Variants in BTRC observed in about 807,000 individuals in gnomAD.
BTRC encodes beta-transducin repeat containing E3 ubiquitin protein ligase, also known as F-box/WD repeat-containing protein 1A.
BTRC carries 42 observed loss-of-function variants against 85.5 expected under a neutral mutation model. That is an observed-to-expected ratio of 0.49 (90% confidence interval 0.38 to 0.64). The LOEUF (loss-of-function observed/expected upper bound fraction) is 0.64, where lower values mean the gene tolerates loss of function less well. Ranked by LOEUF, BTRC falls within the 30% of genes least tolerant of loss-of-function variation. The pLI is 0.00. For synonymous variants in BTRC, 255 were observed against 263.3 expected, an observed-to-expected ratio of 0.97 and a Z score of 0.30; for missense variants, 594 against 743.5, an observed-to-expected ratio of 0.80 and a Z score of 2.34.
chr10:101,541,755 C>T (rs1367409503), intron 13 of BTRC, among the ~76,000 whole-genome samples: 1 of 152,016 alleles, frequency 6.6e-6, no homozygotes, highest in Non-Finnish European at 1.5e-5. Context: ...AGCTTTAAAT[C>T]CTTTGCATTG....
At chr10:101,418,891 G>T (rs1460101605) in intron 1 of BTRC, among the ~76,000 whole-genome samples, 1 of 151,968 alleles carries the variant, frequency 6.6e-6, no homozygotes, top group Non-Finnish European at 1.5e-5. Context: ...TACATTTAAG[G>T]TGTACAACAT....
intron 1 of BTRC, among the ~76,000 whole-genome samples, chr10:101,377,429 T>G (rs1942819468): frequency 6.6e-6 from 1 of 152,230 alleles, no homozygotes; most frequent in Non-Finnish European, 1.5e-5. Context: ...GCGTGATAAA[T>G]GTAGGTTTAA....
chr10:101,525,961 T>C, intron 5 of BTRC, 52 bp from the exon 6 acceptor site: 3 of 1,562,018 alleles, frequency 1.9e-6, no homozygotes, highest in Non-Finnish European at 1.8e-6. Flanking sequence ...TTGTAAAAAA[T>C]CATTCGCCAC....
intron 3 of BTRC, among the ~76,000 whole-genome samples, chr10:101,467,195 TAA>T (rs35514260): frequency 7.6e-4 from 111 of 146,880 alleles, no homozygotes; most frequent in Non-Finnish European, 6.7e-4. Flanking sequence ...TTTCTTCCTT[TAA>T]AAAAAAAAAA....
chr10:101,389,301 GTCTACCCC>G (rs1589412176), intron 1 of BTRC, among the ~76,000 whole-genome samples: 1 of 151,342 alleles, frequency 6.6e-6, no homozygotes, highest in East Asian at 1.9e-4. Context: ...TCTCAAATTC[GTCTACCCC>G]TCTCTGCCTA....
chr10:101,527,900 C>G (rs1214031553), intron 6 of BTRC, among the ~76,000 whole-genome samples: 2 of 151,886 alleles, frequency 1.3e-5, no homozygotes, highest in Non-Finnish European at 2.9e-5. Flanking sequence ...CTTTCATAAC[C>G]TACTTCATAC....
intron 1 of BTRC, among the ~76,000 whole-genome samples, chr10:101,386,597 TA>T (rs1401115274): frequency 6.6e-6 from 1 of 152,198 alleles, no homozygotes; most frequent in African/African-American, 2.4e-5. Flanking sequence ...GAGATATCGA[TA>T]AAAAGTATTG....
intron 3 of BTRC, among the ~76,000 whole-genome samples, chr10:101,470,628 C>A (rs1024440856): frequency 2.0e-5 from 3 of 152,184 alleles, no homozygotes; most frequent in Non-Finnish European, 2.9e-5. Flanking sequence ...CCGCGCCTAG[C>A]CGGTTTTTTC....
chr10:101,496,633 T>A (rs980347376), intron 4 of BTRC, among the ~76,000 whole-genome samples: 6 of 152,098 alleles, frequency 3.9e-5, no homozygotes, highest in African/African-American at 1.4e-4. Flanking sequence ...AAGTATACAG[T>A]TTATTAGCTT....
chr10:101,443,019 C>CT (rs1944730646), intron 2 of BTRC, among the ~76,000 whole-genome samples: 1 of 151,274 alleles, frequency 6.6e-6, no homozygotes, highest in Admixed American at 6.6e-5. Context: ...GTAGCTGGGA[C>CT]TACAGGCACC....
chr10:101,414,103 T>C (rs1448749505), intron 1 of BTRC, among the ~76,000 whole-genome samples: 1 of 152,190 alleles, frequency 6.6e-6, no homozygotes, highest in African/African-American at 2.4e-5. Flanking sequence ...TGAAATTCTA[T>C]ACTCATTAAA....
intron 1 of BTRC, among the ~76,000 whole-genome samples, chr10:101,425,923 A>G (rs1182195555): frequency 3.3e-5 from 5 of 152,184 alleles, no homozygotes; most frequent in Admixed American, 6.6e-5. Context: ...GTAGAAAACT[A>G]TGTGCTTTTC....
chr10:101,551,732 C>T (rs567632814), intron 14 of BTRC, among the ~76,000 whole-genome samples: 14 of 152,322 alleles, frequency 9.2e-5, no homozygotes, highest in East Asian at 1.9e-4. Context: ...CAGTGATTCA[C>T]GCCCAGCTGG....
At chr10:101,414,203 T>C (rs1387848464) in intron 1 of BTRC, among the ~76,000 whole-genome samples, 1 of 152,190 alleles carries the variant, frequency 6.6e-6, no homozygotes. Context: ...CTCATATAAG[T>C]GGATTTATAC....
At chr10:101,532,797 T>TGCGCGTGTGCGC (rs1554895744) in intron 8 of BTRC, among the ~76,000 whole-genome samples, 155 bp from the exon 9 acceptor site, 1 of 141,174 alleles carries the variant, frequency 7.1e-6, no homozygotes, top group African/African-American at 2.5e-5. Flanking sequence ...TGTGCGCGTG[T>TGCGCGTGTGCGC]GCGCGCGCGC....
rs183532203 is a variant in BTRC, at chr10:101,512,526, A to T, written c.325-9113A>T. ...AGAAATACTTGTCATTTCACCATAA[A>T]GTTCAGTCAGTCCACTATGTATTTC... On this transcript the variant is annotated intron_variant, in intron 4 of 14. Transcript: ENST00000370187. Among the ~76,000 whole-genome samples, 62 of 152,326 alleles carry T rather than the reference A, an allele frequency of 4.1e-4. 2 individuals are homozygous for T. Among genetic ancestry groups the T allele is most frequent in the African/African-American group, 1.1e-3 (45 of 41,574 alleles).
intron 2 of BTRC, among the ~76,000 whole-genome samples, chr10:101,450,072 G>T: frequency 6.7e-6 from 1 of 148,692 alleles, no homozygotes; most frequent in East Asian, 2.0e-4. Flanking sequence ...AGGCTTTAGA[G>T]CCAAAAAAAA....
intron 2 of BTRC, among the ~76,000 whole-genome samples, chr10:101,454,390 A>T (rs1289006307): frequency 6.6e-6 from 1 of 152,126 alleles, no homozygotes; most frequent in Non-Finnish European, 1.5e-5. Context: ...TTTCTTGGAG[A>T]AGATGACAGT....
intron 4 of BTRC, among the ~76,000 whole-genome samples, chr10:101,485,200 A>T (rs1945950077): frequency 6.6e-6 from 1 of 152,250 alleles, no homozygotes; most frequent in African/African-American, 2.4e-5. Context: ...ACTTAAAAAA[A>T]AAAGTCCAGA....
Sources: gnomAD v4.1 joint callset for allele counts (sites outside exome capture counted in the v4.1 genomes callset) on GRCh38, gnomAD v4.1.1 for gene constraint, MANE v1.5 for transcripts, NCBI Gene and HGNC (gene_info 2026-07-23, HGNC 2026-07-21) for gene names.